The following GLIS3 variants were observed in gnomAD, a reference collection of about 807,000 sequenced individuals.
GLIS3 encodes GLIS family zinc finger 3.
In GLIS3, 53 loss-of-function variants were observed where a neutral mutation model predicts 78.6. The ratio of observed to expected loss-of-function variants is 0.67; its 90% CI spans 0.54 to 0.85. GLIS3 has a LOEUF of 0.85. Among genes scored for constraint, GLIS3 ranks in the 40% least tolerant of loss-of-function variants. The pLI, the probability that GLIS3 is intolerant of heterozygous loss-of-function variation, is 0.00. For missense variants in GLIS3, 1,703 were observed against 1,231.1 expected (o/e 1.38, Z -5.74); for synonymous variants, 684 against 509.9 (o/e 1.34, Z -4.60).
chr9:4,313,212 T>TA (rs1817390977), intron 2 of GLIS3, among the ~76,000 whole-genome samples: 1 of 152,218 alleles, frequency 6.6e-6, no homozygotes, highest in Non-Finnish European at 1.5e-5. Flanking sequence ...CAAACTCCTC[T>TA]AATGAGTGTC....
intron 4 of GLIS3, among the ~76,000 whole-genome samples, chr9:4,106,702 G>A (rs1246901509): frequency 6.6e-6 from 1 of 152,106 alleles, no homozygotes; most frequent in Non-Finnish European, 1.5e-5. Context: ...TGAACAGATG[G>A]GGAATATTGT....
At chr9:4,455,078 T>C in the GLIS3 span, among the ~76,000 whole-genome samples, 1 of 152,188 alleles carries the variant, frequency 6.6e-6, no homozygotes, top group Non-Finnish European at 1.5e-5. Flanking sequence ...AAGTAGAATT[T>C]AGCTCCAAGA....
At chr9:4,217,452 C>T (rs1298817452) in intron 2 of GLIS3, among the ~76,000 whole-genome samples, 4 of 152,172 alleles carry the variant, frequency 2.6e-5, no homozygotes, top group Admixed American at 6.5e-5. Context: ...CATGGGCAGA[C>T]ATTTCTAAGA....
chr9:4,081,327 C>A (rs563370246), intron 4 of GLIS3: 1 of 152,366 alleles, frequency 6.6e-6, no homozygotes, highest in African/African-American at 2.4e-5. Flanking sequence ...GTCGCATATA[C>A]TTACTGCAAT....
intron 2 of GLIS3, among the ~76,000 whole-genome samples, chr9:4,257,059 G>A (rs1260416777): frequency 6.6e-6 from 1 of 151,930 alleles, no homozygotes; most frequent in Non-Finnish European, 1.5e-5. Context: ...TATGTATTAT[G>A]TGTACATATG....
At chr9:3,846,467 G>T (rs193231382) in intron 9 of GLIS3, among the ~76,000 whole-genome samples, 1 of 152,146 alleles carries the variant, frequency 6.6e-6, no homozygotes, top group Non-Finnish European at 1.5e-5. Context: ...CTGCAATGAC[G>T]TGAGCATCTA....
chr9:3,900,107 A>T (rs914391807), intron 6 of GLIS3, among the ~76,000 whole-genome samples: 5 of 151,722 alleles, frequency 3.3e-5, no homozygotes, highest in African/African-American at 9.7e-5. Context: ...GAAATAGAAG[A>T]TGAAACCAGA....
At chr9:4,076,670 T>C (rs1828085726) in intron 4 of GLIS3, among the ~76,000 whole-genome samples, 1 of 152,204 alleles carries the variant, frequency 6.6e-6, no homozygotes, top group Admixed American at 6.5e-5. Context: ...AATGTGAATT[T>C]AAATATGTAC....
the GLIS3 span, among the ~76,000 whole-genome samples, chr9:4,369,194 G>A: frequency 6.6e-6 from 1 of 152,018 alleles, no homozygotes; most frequent in Non-Finnish European, 1.5e-5. Flanking sequence ...TTTTAATAAT[G>A]TCTGATGGAT....
At chr9:3,861,007 G>T (rs941349631) in intron 8 of GLIS3, among the ~76,000 whole-genome samples, 2 of 152,126 alleles carry the variant, frequency 1.3e-5, no homozygotes, top group African/African-American at 2.4e-5. Context: ...CAAAGGGCGG[G>T]GTGGATTAGG....
the GLIS3 span, among the ~76,000 whole-genome samples, chr9:4,366,467 G>A: frequency 7.9e-5 from 12 of 152,058 alleles, no homozygotes; most frequent in African/African-American, 1.9e-4. Flanking sequence ...GATTTTTCCC[G>A]CCTGAGATGA....
the GLIS3 span, among the ~76,000 whole-genome samples, chr9:4,396,891 A>G: frequency 6.6e-6 from 1 of 151,926 alleles, no homozygotes; most frequent in Admixed American, 6.6e-5. Flanking sequence ...ATTTCATGAG[A>G]GTTTTGCTCC....
At chr9:3,958,692 G>A (rs1395850910) in intron 4 of GLIS3, among the ~76,000 whole-genome samples, 2 of 152,232 alleles carry the variant, frequency 1.3e-5, no homozygotes, top group South Asian at 2.1e-4. Context: ...TATTTGGCCA[G>A]ATGGCCATGT....
At chr9:4,050,420 G>GAAT (rs1825657447) in intron 4 of GLIS3, among the ~76,000 whole-genome samples, 1 of 152,096 alleles carries the variant, frequency 6.6e-6, no homozygotes, top group Non-Finnish European at 1.5e-5. Flanking sequence ...ACACAGGGCG[G>GAAT]GGAACATCAC....
intron 4 of GLIS3, among the ~76,000 whole-genome samples, chr9:4,113,258 G>C (rs189173335): frequency 8.3e-4 from 126 of 152,114 alleles, no homozygotes; most frequent in African/African-American, 2.9e-3. Flanking sequence ...TCTATGGACA[G>C]TTACGTTATT....
chr9:4,042,817 A>T (rs979465102), intron 4 of GLIS3, among the ~76,000 whole-genome samples: 2 of 152,186 alleles, frequency 1.3e-5, no homozygotes, highest in Non-Finnish European at 2.9e-5. Context: ...TCTTGATTTA[A>T]TACTGTGTTT....
rs374327218 is a variant in GLIS3, at chr9:4,117,765, C to T, written c.1710+3G>A. ...GGTCACCCCTTGCGCTTCGGAAACTCACCGTACACTTGTTGGGCTTCTCCC... is the reference window on the plus strand; with the variant it reads ...GGTCACCCCTTGCGCTTCGGAAACTTACCGTACACTTGTTGGGCTTCTCCC... On this transcript the variant is annotated splice_donor_region_variant and intron_variant, in intron 4 of 10. Coordinates refer to ENST00000381971, the MANE Select transcript of GLIS3 (RefSeq NM_001042413.2). 100 of 1,614,062 alleles carry T rather than the reference C, an allele frequency of 6.2e-5. 1 individual carries two copies. The South Asian group carries it at 7.4e-4, about 12-fold the overall frequency.
chr9:3,851,284 G>A (rs577345477), intron 9 of GLIS3, among the ~76,000 whole-genome samples: 1 of 152,160 alleles, frequency 6.6e-6, no homozygotes, highest in Non-Finnish European at 1.5e-5. Context: ...GTGTCCTAAG[G>A]AGAAAGAAAA....
chr9:4,448,140 C>A, the GLIS3 span, among the ~76,000 whole-genome samples: 1 of 152,206 alleles, frequency 6.6e-6, no homozygotes, highest in African/African-American at 2.4e-5. Flanking sequence ...TGTGATTCCT[C>A]ATTTCCTGTC....
Sources: allele counts gnomAD v4.1 joint callset (sites outside exome capture counted in the v4.1 genomes callset), GRCh38; gene constraint gnomAD v4.1.1; transcripts MANE v1.5; gene names NCBI Gene and HGNC (gene_info 2026-07-23, HGNC 2026-07-21).